Variants in DCC observed in about 807,000 individuals in gnomAD.
DCC encodes the protein DCC netrin 1 receptor.
DCC carries 58 observed loss-of-function variants against 172.5 expected under a neutral mutation model. The ratio of observed to expected loss-of-function variants is 0.34; its 90% CI spans 0.27 to 0.42. The LOEUF is 0.42. DCC is among the 10% of genes least tolerant of loss of function. DCC has a pLI of 1.00. For missense variants in DCC, 1,740 were observed against 1,791.0 expected, an observed-to-expected ratio of 0.97 and a Z score of 0.51; for synonymous variants, 709 against 644.5, an observed-to-expected ratio of 1.10 and a Z score of -1.52.
intron 27 of DCC, among the ~76,000 whole-genome samples, chr18:53,503,422 T>TTATC (rs1450228588): frequency 6.6e-6 from 1 of 152,208 alleles, no homozygotes; most frequent in African/African-American, 2.4e-5. Flanking sequence ...TTTTAATGCT[T>TTATC]TATCTATAGA....
intron 2 of DCC, among the ~76,000 whole-genome samples, chr18:52,797,555 T>A (rs1235973546): frequency 6.6e-6 from 1 of 152,218 alleles, no homozygotes; most frequent in Non-Finnish European, 1.5e-5. Context: ...TGGCTTAGAC[T>A]GCAATTGTTA....
At chr18:52,734,346 C>T (rs1459357542) in intron 1 of DCC, among the ~76,000 whole-genome samples, 1 of 152,124 alleles carries the variant, frequency 6.6e-6, no homozygotes, top group African/African-American at 2.4e-5. Context: ...TAGTCAAAAG[C>T]AAAATGCACA....
chr18:52,696,364 T>G (rs551929407), intron 1 of DCC, among the ~76,000 whole-genome samples: 1 of 152,250 alleles, frequency 6.6e-6, no homozygotes, highest in South Asian at 2.1e-4. Flanking sequence ...GAGCTCAAGC[T>G]CAACAGGACA....
chr18:52,353,020 A>G (rs1478414388), intron 1 of DCC, among the ~76,000 whole-genome samples: 1 of 152,186 alleles, frequency 6.6e-6, no homozygotes, highest in Non-Finnish European at 1.5e-5. Flanking sequence ...TCACAATTGT[A>G]AGTAATCATG....
At chr18:53,320,371 C>T (rs2057397411) in intron 13 of DCC, among the ~76,000 whole-genome samples, 1 of 152,084 alleles carries the variant, frequency 6.6e-6, no homozygotes, top group South Asian at 2.1e-4. Flanking sequence ...CGCGCCCGGC[C>T]AAGAGTACAT....
chr18:53,291,303 T>G (rs2057002253), intron 12 of DCC, among the ~76,000 whole-genome samples: 1 of 152,304 alleles, frequency 6.6e-6, no homozygotes, highest in East Asian at 1.9e-4. Flanking sequence ...GTCACAATTA[T>G]TTTATCATGA....
intron 1 of DCC, among the ~76,000 whole-genome samples, chr18:52,563,485 T>C (rs890452838): frequency 2.0e-5 from 3 of 152,122 alleles, no homozygotes; most frequent in African/African-American, 7.2e-5. Context: ...TTACATCTTG[T>C]ATGAAACATT....
intron 9 of DCC, among the ~76,000 whole-genome samples, chr18:53,191,648 G>A (rs1179758175): frequency 6.6e-6 from 1 of 152,194 alleles, no homozygotes; most frequent in African/African-American, 2.4e-5. Flanking sequence ...AAATTAAATT[G>A]AGTTTTCGAG....
At chr18:53,061,673 G>A (rs151085844) in intron 5 of DCC, among the ~76,000 whole-genome samples, 1 of 152,234 alleles carries the variant, frequency 6.6e-6, no homozygotes, top group Non-Finnish European at 1.5e-5. Flanking sequence ...GACAGTTATA[G>A]CAAATCACTT....
intron 5 of DCC, among the ~76,000 whole-genome samples, chr18:53,021,377 G>C (rs2041879492): frequency 6.6e-6 from 1 of 152,158 alleles, no homozygotes; most frequent in Admixed American, 6.5e-5. Context: ...CTTGAGCAGA[G>C]AGTATCACAT....
chr18:52,733,765 G>A (rs2036682648), intron 1 of DCC, among the ~76,000 whole-genome samples: 1 of 152,088 alleles, frequency 6.6e-6, no homozygotes, highest in African/African-American at 2.4e-5. Context: ...CAAAGTGCTG[G>A]GATTACAGGT....
chr18:53,066,351 G>GTGTA (rs767517577), intron 7 of DCC, among the ~76,000 whole-genome samples, 185 bp downstream of exon 7: 6,336 of 88,864 alleles, frequency 0.071, 491 homozygotes, highest in Non-Finnish European at 0.11. Flanking sequence ...GTGTACATGT[G>GTGTA]TGTATATATA....
chr18:53,017,984 C>A (rs2041831802), intron 5 of DCC, among the ~76,000 whole-genome samples: 1 of 152,138 alleles, frequency 6.6e-6, no homozygotes, highest in Non-Finnish European at 1.5e-5. Context: ...TGCACCAACA[C>A]AATCTGCATT....
At chr18:52,433,652 T>A (rs547493521) in intron 1 of DCC, among the ~76,000 whole-genome samples, 1 of 152,330 alleles carries the variant, frequency 6.6e-6, no homozygotes, top group Non-Finnish European at 1.5e-5. Context: ...AAAACAAAGT[T>A]ATAAAGATAT....
chr18:52,746,956 G>A (rs952317552), intron 1 of DCC, among the ~76,000 whole-genome samples: 1 of 151,538 alleles, frequency 6.6e-6, no homozygotes, highest in Non-Finnish European at 1.5e-5. Context: ...GGAGAAGGAG[G>A]AAGTGTAAGG....
intron 2 of DCC, among the ~76,000 whole-genome samples, chr18:52,786,487 A>G (rs2037662950): frequency 6.6e-6 from 1 of 152,124 alleles, no homozygotes; most frequent in African/African-American, 2.4e-5. Flanking sequence ...TGATAGGACC[A>G]TGTTGTTTGT....
chr18:53,038,667 CTAAG>C (rs5824988), intron 5 of DCC, among the ~76,000 whole-genome samples: 48,875 of 151,652 alleles, frequency 0.32, 8,701 homozygotes, highest in Non-Finnish European at 0.41. Context: ...TCCATGACCA[CTAAG>C]TGTTTATAAA....
At chr18:52,369,010 T>A (rs1984998030) in intron 1 of DCC, among the ~76,000 whole-genome samples, 1 of 152,210 alleles carries the variant, frequency 6.6e-6, no homozygotes, top group African/African-American at 2.4e-5. Context: ...TGTTTCTACC[T>A]GTTATAGTAT....
At chr18:53,159,390 G>C (rs1453761898) in intron 8 of DCC, among the ~76,000 whole-genome samples, 1 of 152,054 alleles carries the variant, frequency 6.6e-6, no homozygotes, top group Non-Finnish European at 1.5e-5. Flanking sequence ...GTGAAGTCTT[G>C]TCAACTTTAC....
Sources: gnomAD v4.1 joint callset for allele counts (sites outside exome capture counted in the v4.1 genomes callset) on GRCh38, gnomAD v4.1.1 for gene constraint, MANE v1.5 for transcripts, NCBI Gene and HGNC (gene_info 2026-07-23, HGNC 2026-07-21) for gene names.